CAMSAP3: variants seen among roughly 807,000 people sequenced by gnomAD.
The protein encoded by CAMSAP3 is calmodulin-regulated spectrin-associated protein 3.
CAMSAP3 carries 34 observed loss-of-function variants against 112.5 expected under a neutral mutation model. That is an observed-to-expected ratio of 0.30 (90% CI 0.23 to 0.40). CAMSAP3 has a LOEUF of 0.40. Among genes scored for constraint, CAMSAP3 ranks in the 10% least tolerant of loss-of-function variants. CAMSAP3 has a pLI of 1.00. For synonymous variants in CAMSAP3, 868 were observed against 799.8 expected, an observed-to-expected ratio of 1.09 and a Z score of -1.44; for missense variants, 1,602 against 1,770.3, an observed-to-expected ratio of 0.90 and a Z score of 1.71.
chr19:7,612,792 C>CGGCGCAGCCCTGGGCCCG lies in CAMSAP3; in HGVS notation c.2303_2320dup (p.Arg768_Gly773dup). On this transcript the variant is annotated inframe_insertion, in exon 11 of 17. Coordinates refer to ENST00000160298, the MANE Select transcript of CAMSAP3 (RefSeq NM_020902.2). ...CCCCGCCCGGCGAGTCCCGGCCACC[C>CGGCGCAGCCCTGGGCCCG]GGCGCAGCCCTGGGCCCGGGCCCAG... The CGGCGCAGCCCTGGGCCCG allele has an allele frequency of 6.5e-7, 1 of 1,534,468 alleles. No homozygotes were observed. Among genetic ancestry groups the CGGCGCAGCCCTGGGCCCG allele is most frequent in the African/African-American group, 1.4e-5 (1 of 71,912 alleles).
At chr19:7,604,647 C>A (rs531350383) in intron 1 of CAMSAP3, among the ~76,000 whole-genome samples, 26 of 152,078 alleles carry the variant, frequency 1.7e-4, no homozygotes, top group Admixed American at 1.4e-3. Flanking sequence ...CTCATCCCCC[C>A]CTGCCTGCAA....
intron 1 of CAMSAP3, among the ~76,000 whole-genome samples, chr19:7,603,835 A>C (rs1044995742): frequency 6.6e-6 from 1 of 151,200 alleles, no homozygotes; most frequent in African/African-American, 2.4e-5. Context: ...AACTCAAACA[A>C]ACAGAGAAGG....
chr19:7,608,033 T>C (rs1311034067), intron 4 of CAMSAP3, 93 bp from the exon 5 acceptor site: 1 of 1,481,006 alleles, frequency 6.8e-7, no homozygotes, highest in African/African-American at 1.4e-5. Context: ...CGCCCCCTCA[T>C]GGCGGAAACC....
chr19:7,612,987 A>ACGCCCCCCGAGGAGC lies in CAMSAP3; in HGVS notation c.2496_2510dup (p.Pro833_Pro837dup). 1 of 1,583,846 alleles carries ACGCCCCCCGAGGAGC rather than the reference A, an allele frequency of 6.3e-7. No homozygotes were observed. The highest frequency in any genetic ancestry group is 1.7e-5 in the Admixed American group (1 of 57,396). On this transcript the variant is annotated inframe_insertion, in exon 11 of 17. Transcript: ENST00000160298. ...CTCTTCCATCCTCCTGGCGGAGGAG[A>ACGCCCCCCGAGGAGC]CGCCCCCCGAGGAGCCAGCCGCCCG...
Position 7,615,133 on chromosome 19 carries a change from A to T in CAMSAP3, c.2671-50A>T. On this transcript the variant is annotated intron_variant, in intron 11 of 16. Coordinates refer to ENST00000160298, the MANE Select transcript of CAMSAP3 (RefSeq NM_020902.2). This position sits in a 1 kb window ranked among gnomAD's most constrained non-coding sequence, Gnocchi z 6.5. ...CTGGGTGGAGGGAAGATGGGCCTCCAGCCATGTTGGGGGAGGGGGTGGCTG... is the reference window on the plus strand; with the variant it reads ...CTGGGTGGAGGGAAGATGGGCCTCCTGCCATGTTGGGGGAGGGGGTGGCTG... The T allele has an allele frequency of 6.5e-7, 1 of 1,549,534 alleles. No homozygotes were observed. Among genetic ancestry groups the T allele is most frequent in the South Asian group, 1.2e-5 (1 of 84,086 alleles).
At chr19:7,606,075 G>A (rs1306168594) in intron 2 of CAMSAP3, among the ~76,000 whole-genome samples, 196 bp from the exon 3 acceptor site, 3 of 152,000 alleles carry the variant, frequency 2.0e-5, no homozygotes, top group Non-Finnish European at 2.9e-5. Context: ...CCCATCGTGC[G>A]TGGCTTTTCC....
Position 7,610,375 on chromosome 19 carries a change from T to C in CAMSAP3, c.761-101T>C, listed in dbSNP as rs1378118406. 1.9e-6 allele frequency: 2 copies of C among 1,036,252 alleles called. No individual in the cohort carries two copies. The highest frequency in any genetic ancestry group is 1.6e-5 in the African/African-American group (1 of 62,292). The allele number at this position is 1,036,252 out of a possible 1,614,324, so 64.2% of individuals were successfully genotyped here. A position where few individuals can be genotyped will look rare whatever the true frequency, so the allele number is the denominator to read the frequency against. On this transcript the variant is annotated intron_variant, in intron 5 of 16. Coordinates refer to ENST00000160298, the MANE Select transcript of CAMSAP3 (RefSeq NM_020902.2). This position sits in a 1 kb window ranked among gnomAD's most constrained non-coding sequence, Gnocchi z 4.9. ...GGGCACCTGGCAGAAGCTGGGCTCA[T>C]AGGAGGTCTTCCGTGTGTGGGGGAC...
In CAMSAP3 at chr19:7,598,292, G is replaced by C. The variant is rs547888303; in HGVS notation, c.148+2142G>C. Among the ~76,000 whole-genome samples, 7 of 152,298 alleles carry C rather than the reference G, an allele frequency of 4.6e-5. No individual in the cohort carries two copies. The South Asian group carries it at 1.2e-3, about 27-fold the overall frequency. On this transcript the variant is annotated intron_variant, in intron 1 of 16. Transcript: ENST00000160298. ...TGTGGGCAGTGGGCAAAGGCTCGGA[G>C]TGTGGACCAGCAGGGAGTTCTCAGA... is the stretch of plus-strand genomic sequence containing the variant.
In CAMSAP3 at chr19:7,606,485, C is replaced by G. The variant is rs775517921; in HGVS notation, c.535C>G (p.Arg179Gly). 59 of 1,587,894 alleles carry G rather than the reference C, an allele frequency of 3.7e-5. No individual in the cohort carries two copies. The highest frequency in any genetic ancestry group is 5.0e-5 in the Non-Finnish European group (59 of 1,173,130). Residue 179 changes from arginine (R) to glycine (G), a missense_variant, in exon 4 of 17, where the codon CGG becomes GGG. Arg to Gly is a moderately radical substitution (Grantham distance 125, BLOSUM62 -2). Transcript: ENST00000160298. ...LLFWVDTTVRRLQEKTEQEAA... is the reference protein window; with the variant it reads ...LLFWVDTTVRGLQEKTEQEAA... ...CCTCCCTGCCCTCCAGACCGTCCGG[C>G]GGCTGCAGGAGAAGACCGAGCAGGA...
intron 5 of CAMSAP3, among the ~76,000 whole-genome samples, chr19:7,609,084 G>A (rs1251286522): frequency 6.6e-6 from 1 of 151,982 alleles, no homozygotes; most frequent in Non-Finnish European, 1.5e-5. Flanking sequence ...CAGTTTGGGA[G>A]GCCGAGGCGG....
At chr19:7,598,164 G>C (rs2024476014) in intron 1 of CAMSAP3, among the ~76,000 whole-genome samples, 2 of 152,132 alleles carry the variant, frequency 1.3e-5, no homozygotes, top group Non-Finnish European at 2.9e-5. Context: ...AGCGGGGCCT[G>C]GGGAAAGAAA....
rs1244159157 is a variant in CAMSAP3, at chr19:7,612,472, C to CTGGTGGGG, written c.1979_1980insTGGTGGGG (p.Val661GlyfsTer25). 1 of 1,568,794 alleles carries CTGGTGGGG rather than the reference C, an allele frequency of 6.4e-7. No individual in the cohort carries two copies. Among genetic ancestry groups the CTGGTGGGG allele is most frequent in the South Asian group, 1.2e-5 (1 of 86,184 alleles). On this transcript the variant is annotated frameshift_variant, in exon 11 of 17. Transcript: ENST00000160298. LOFTEE classifies it high-confidence loss of function. The stretch of plus-strand genomic sequence containing the variant: ...GAGGCGGAGGAGGCCGATTCCGGTC[C>CTGGTGGGG]AGTCCCTGGTGGGGAGCGGCCCGCA...
At chr19:7,596,206 T>TG (rs539158902) in intron 1 of CAMSAP3, 56 bp downstream of exon 1, 51,405 of 99,462 alleles carry the variant, frequency 0.52, 12,748 homozygotes, top group South Asian at 0.64. Flanking sequence ...CGGCAGGTGC[T>TG]GGGGGGGGGC....
Position 7,611,795 on chromosome 19 carries a change from C to T in CAMSAP3, c.1302C>T (p.Ser434=). 6.3e-7 allele frequency: 1 copy of T among 1,596,820 alleles called. No individual in the cohort carries two copies. Among genetic ancestry groups the T allele is most frequent in the Non-Finnish European group, 8.5e-7 (1 of 1,172,322 alleles). ...TCCTCCGCTCTGTGAGCTCGGACAG[C>T]CTGGGCCCCCCGCGTCCCGCGCCGG... is the stretch of plus-strand genomic sequence containing the variant. ...PVLLRSVSSD[S]LGPPRPAPAR... Residue 434 remains serine (S), a synonymous_variant, in exon 11 of 17, where the codon AGC becomes AGT. Coordinates refer to ENST00000160298, the MANE Select transcript of CAMSAP3 (RefSeq NM_020902.2). This position sits in a 1 kb window ranked among gnomAD's most constrained non-coding sequence, Gnocchi z 6.9.
rs2030857687 is a variant in CAMSAP3, at chr19:7,617,303, A to G, written c.3213-23A>G. 6.4e-7 allele frequency: 1 copy of G among 1,562,460 alleles called. No homozygotes were observed. Among genetic ancestry groups the G allele is most frequent in the African/African-American group, 1.4e-5 (1 of 73,634 alleles). ...TCCATCCCATCCTGACCCCACCTCC[A>G]TCCCATCCTTCTCCCACTGCAGGGC... On this transcript the variant is annotated intron_variant, in intron 14 of 16. Transcript: ENST00000160298. This position sits in a 1 kb window ranked among gnomAD's most constrained non-coding sequence, Gnocchi z 7.5.
chr19:7,610,828 G>A lies in CAMSAP3; in HGVS notation c.994+35G>A, dbSNP rs1291266783. 8.1e-6 allele frequency: 13 copies of A among 1,606,712 alleles called. 1 individual carries two copies. The highest frequency in any genetic ancestry group is 8.0e-5 in the African/African-American group (6 of 74,808). The stretch of plus-strand genomic sequence containing the variant: ...TGGGGGCCTGGGGGCCGGGTCGGGG[G>A]CGGGTGGGAGAGCCAAACCCCCGCC... On this transcript the variant is annotated intron_variant, in intron 7 of 16. Coordinates refer to ENST00000160298, the MANE Select transcript of CAMSAP3 (RefSeq NM_020902.2). This position sits in a 1 kb window ranked among gnomAD's most constrained non-coding sequence, Gnocchi z 4.9.
intron 14 of CAMSAP3, 26 bp downstream of exon 14, chr19:7,616,648 T>A (rs753225623): frequency 1.3e-6 from 2 of 1,554,452 alleles, no homozygotes; most frequent in South Asian, 2.2e-5. Flanking sequence ...ACAGGCGGGG[T>A]TCGTATGCCG....
Position 7,604,006 on chromosome 19 carries a change from G to A in CAMSAP3, c.149-1220G>A, listed in dbSNP as rs571661755. Among the ~76,000 whole-genome samples, 8 of 152,022 alleles carry A rather than the reference G, an allele frequency of 5.3e-5. No homozygotes were observed. The South Asian group carries it at 1.0e-3, about 20-fold the overall frequency. ...AAAATTAGCCGGGTATGGCAGCATC[G>A]CACCTGTAATCCCAGCTACTTGGGA... On this transcript the variant is annotated intron_variant, in intron 1 of 16. Transcript: ENST00000160298.
At position 7,615,542 on chromosome 19, in the gene CAMSAP3, C is replaced by G; in HGVS notation, c.2935C>G (p.Arg979Gly). The change falls in exon 13 of 17, where the codon CGG becomes GGG. Residue 979 changes from arginine to glycine, a missense_variant. By Grantham distance (125) the Arg-to-Gly change is moderately radical. This residue lies in a region of CAMSAP3 where 1,100 missense variants were observed against 1,135.7 expected (regional missense o/e 0.97). Coordinates refer to ENST00000160298, the MANE Select transcript of CAMSAP3 (RefSeq NM_020902.2). This position sits in a 1 kb window ranked among gnomAD's most constrained non-coding sequence, Gnocchi z 6.5. ...EVGPRKGDFTRQEYERRAQLK... is the reference protein window; with the variant it reads ...EVGPRKGDFTGQEYERRAQLK... ...GGGCCCCCGGAAGGGGGACTTCACG[C>G]GGCAGGAGTACGAGCGCCGGGCCCA... 6.5e-7 allele frequency: 1 copy of G among 1,531,390 alleles called. No homozygotes were observed. Among genetic ancestry groups the G allele is most frequent in the Non-Finnish European group, 8.8e-7 (1 of 1,141,296 alleles). 94.9% of individuals were successfully genotyped at this position (1,531,390 alleles called of 1,614,324 possible). A position where few individuals can be genotyped will look rare whatever the true frequency, so the allele number is the denominator to read the frequency against.
Sources: gnomAD v4.1 joint callset for allele counts (sites outside exome capture counted in the v4.1 genomes callset) on GRCh38, gnomAD v4.1.1 for gene constraint, gnomAD v4.1.1 regional missense constraint, Gnocchi (gnomAD v3.1) non-coding constraint, MANE v1.5 for transcripts, NCBI Gene and HGNC (gene_info 2026-07-23, HGNC 2026-07-21) for gene names.